Variants in ANKFN1 observed in about 807,000 individuals in gnomAD.
ANKFN1 encodes the protein ankyrin repeat and fibronectin type-III domain-containing protein 1.
A neutral mutation model predicts 108.7 loss-of-function variants in ANKFN1; 74 were observed. The ratio of observed to expected loss-of-function variants is 0.68; its 90% CI spans 0.56 to 0.83. The LOEUF (loss-of-function observed/expected upper bound fraction) is 0.83. ANKFN1 is among the 40% of genes least tolerant of loss of function. The pLI, the probability that ANKFN1 is intolerant of heterozygous loss-of-function variation, is 0.00. For synonymous variants in ANKFN1, 547 were observed against 516.2 expected (o/e 1.06, Z -0.81); for missense variants, 1,505 against 1,382.3 (o/e 1.09, Z -1.41).
chr17:56,348,763 G>GA (rs1274672668), intron 4 of ANKFN1, among the ~76,000 whole-genome samples: 1 of 152,242 alleles, frequency 6.6e-6, no homozygotes, highest in East Asian at 1.9e-4. Flanking sequence ...AGATTGTGGA[G>GA]AAAACAAAAC....
intron 8 of ANKFN1, among the ~76,000 whole-genome samples, chr17:56,389,032 A>G (rs1247206425): frequency 1.3e-5 from 2 of 152,010 alleles, no homozygotes; most frequent in African/African-American, 4.8e-5. Flanking sequence ...AAAACTAAAC[A>G]TGCAACTACC....
intron 8 of ANKFN1, among the ~76,000 whole-genome samples, chr17:56,414,203 T>C (rs1048933482): frequency 6.6e-6 from 1 of 152,166 alleles, no homozygotes; most frequent in East Asian, 1.9e-4. Context: ...GCTGAACTCA[T>C]AGGGTAAGTT....
intron 1 of ANKFN1, among the ~76,000 whole-genome samples, chr17:56,199,824 G>A (rs1224792092): frequency 6.6e-6 from 1 of 152,078 alleles, no homozygotes; most frequent in South Asian, 2.1e-4. Flanking sequence ...CCTATTTGTT[G>A]TTTATCTGAA....
chr17:56,410,828 A>C (rs1365602270), intron 8 of ANKFN1, among the ~76,000 whole-genome samples: 1 of 152,204 alleles, frequency 6.6e-6, no homozygotes, highest in African/African-American at 2.4e-5. Context: ...AAGTCAACTG[A>C]TGGTAAATAC....
At chr17:56,466,004 A>G (rs2145281913) in intron 14 of ANKFN1, among the ~76,000 whole-genome samples, 1 of 152,334 alleles carries the variant, frequency 6.6e-6, no homozygotes, top group Non-Finnish European at 1.5e-5. Context: ...TCTTTAAAAC[A>G]TCTGGGATTC....
Position 56,368,228 on chromosome 17 carries a change from A to G in ANKFN1, c.602-4418A>G, listed in dbSNP as rs1167531742. The G allele has an allele frequency of 1.5e-5, 18 of 1,208,872 alleles. No homozygotes were observed. The Middle Eastern group carries it at 8.6e-4, about 58-fold the overall frequency. The allele number at this position is 1,208,872 out of a possible 1,614,324, so 74.9% of individuals were successfully genotyped here. On this transcript the variant is annotated intron_variant, in intron 6 of 20. Coordinates refer to ENST00000682825, the MANE Select transcript of ANKFN1 (RefSeq NM_001370326.1). ...ACAAAAGTCTGAAATTTTTTTATCA[A>G]GAGGTATAAAACACCATGAAAACAA...
intron 4 of ANKFN1, among the ~76,000 whole-genome samples, chr17:56,063,354 G>C (rs1189015387): frequency 2.6e-5 from 4 of 151,740 alleles, no homozygotes; most frequent in African/African-American, 4.8e-5. Context: ...TTTCCAGCTT[G>C]TTTCCATTCT....
chr17:56,382,204 G>T (rs912527803), intron 8 of ANKFN1, among the ~76,000 whole-genome samples: 1 of 152,112 alleles, frequency 6.6e-6, no homozygotes, highest in Admixed American at 6.6e-5. Context: ...GAATTTTCAA[G>T]CCAGAATTTC....
At chr17:56,305,322 G>A (rs569171096) in intron 3 of ANKFN1, among the ~76,000 whole-genome samples, 5 of 152,260 alleles carry the variant, frequency 3.3e-5, no homozygotes, top group African/African-American at 1.2e-4. Flanking sequence ...TGGAGGCACA[G>A]CCAAACCATA....
At chr17:56,126,527 T>G (rs1906944195) in intron 4 of ANKFN1, among the ~76,000 whole-genome samples, 1 of 152,244 alleles carries the variant, frequency 6.6e-6, no homozygotes, top group Admixed American at 6.5e-5. Context: ...TGGTGTTCTC[T>G]GTGGCTGCTG....
chr17:56,126,854 A>G (rs1002710413), intron 4 of ANKFN1, among the ~76,000 whole-genome samples: 4 of 152,224 alleles, frequency 2.6e-5, no homozygotes, highest in African/African-American at 9.6e-5. Flanking sequence ...TCATTACTAG[A>G]TATTTAAATT....
At chr17:56,184,955 G>A (rs1306973866) in intron 1 of ANKFN1, 1 of 152,204 alleles carries the variant, frequency 6.6e-6, no homozygotes, top group Non-Finnish European at 1.5e-5. Flanking sequence ...CTAACAGAAG[G>A]AAATAAAATG....
intron 6 of ANKFN1, among the ~76,000 whole-genome samples, chr17:56,370,633 C>A (rs1269903958): frequency 6.6e-6 from 1 of 152,142 alleles, no homozygotes; most frequent in Non-Finnish European, 1.5e-5. Flanking sequence ...GTAGAGAGTG[C>A]AGTTACTGGG....
At chr17:56,142,502 A>G (rs1317192225) in intron 4 of ANKFN1, among the ~76,000 whole-genome samples, 1 of 152,210 alleles carries the variant, frequency 6.6e-6, no homozygotes, top group East Asian at 1.9e-4. Context: ...AAGAACTTTA[A>G]TCATCTGCAC....
rs139199232 is a variant in ANKFN1, at chr17:56,374,465, C to T, written c.797-136C>T. The T allele has an allele frequency of 9.0e-6, 6 of 668,050 alleles. No individual in the cohort carries two copies. In the African/African-American group the frequency reaches 1.1e-4, roughly 12 times the overall value. The allele number at this position is 668,050 out of a possible 1,614,324, so 41.4% of individuals were successfully genotyped here. On this transcript the variant is annotated intron_variant, in intron 7 of 20. Transcript: ENST00000682825. Reference sequence around the variant, plus strand: ...CATTGAGACGTCTAATGAAAATGTTCAAAAGCGAAAGCTATTAGGCTCCAC... The same window carrying T: ...CATTGAGACGTCTAATGAAAATGTTTAAAAGCGAAAGCTATTAGGCTCCAC...
intron 4 of ANKFN1, among the ~76,000 whole-genome samples, chr17:56,097,178 C>G (rs543080199): frequency 1.3e-5 from 2 of 152,294 alleles, no homozygotes; most frequent in East Asian, 3.9e-4. Flanking sequence ...GCACACCAAA[C>G]TCCTATGACA....
At chr17:56,260,606 A>G (rs2043485708) in intron 3 of ANKFN1, among the ~76,000 whole-genome samples, 1 of 152,226 alleles carries the variant, frequency 6.6e-6, no homozygotes, top group Non-Finnish European at 1.5e-5. Context: ...CATTTGAAAT[A>G]CACATGGGGT....
At chr17:56,242,933 T>C (rs1917695125) in intron 3 of ANKFN1, among the ~76,000 whole-genome samples, 1 of 152,122 alleles carries the variant, frequency 6.6e-6, no homozygotes, top group African/African-American at 2.4e-5. Context: ...GATGATGCTA[T>C]GATTTTGTTC....
rs534989711 is a variant in ANKFN1 at position 56,309,721 on chromosome 17, C to A, written c.54-16500C>A. Among the ~76,000 whole-genome samples the A allele has an allele frequency of 1.5e-4, 23 of 152,144 alleles. 1 individual carries two copies. The South Asian group carries it at 4.6e-3, about 30-fold the overall frequency. ...ACTATGTTTTTCTTATACATACATACCTATGATAAAGTTTAATTTATAAAT... is the reference window on the plus strand; with the variant it reads ...ACTATGTTTTTCTTATACATACATAACTATGATAAAGTTTAATTTATAAAT... On this transcript the variant is annotated intron_variant, in intron 3 of 20. Transcript: ENST00000682825.
Sources: allele counts gnomAD v4.1 joint callset (sites outside exome capture counted in the v4.1 genomes callset), GRCh38; gene constraint gnomAD v4.1.1; transcripts MANE v1.5; gene names NCBI Gene and HGNC (gene_info 2026-07-23, HGNC 2026-07-21).